Variants in SOX6 observed in about 807,000 individuals in gnomAD.
The protein encoded by SOX6 is transcription factor SOX-6.
SOX6 carries 11 observed loss-of-function variants against 97.8 expected under a neutral mutation model. The ratio of observed to expected loss-of-function variants is 0.11; its 90% CI spans 0.07 to 0.19. The LOEUF (loss-of-function observed/expected upper bound fraction) is 0.19. SOX6 is among the 10% of genes least tolerant of loss of function. The probability of loss-of-function intolerance (pLI) is 1.00; values close to 1 mark genes in which losing one functional copy is unlikely to be tolerated. For missense variants in SOX6, 810 were observed against 1,039.5 expected (o/e 0.78, Z 3.04); for synonymous variants, 360 against 371.4 (o/e 0.97, Z 0.35).
chr11:16,544,036 C>T (rs1000036475), intron 4 of SOX6, among the ~76,000 whole-genome samples: 3 of 151,616 alleles, frequency 2.0e-5, no homozygotes, highest in African/African-American at 7.3e-5. Context: ...ATAGTATTCG[C>T]CAATAAAAAT....
chr11:16,360,583 C>G (rs1014801374), upstream of SOX6, among the ~76,000 whole-genome samples: 2 of 152,192 alleles, frequency 1.3e-5, no homozygotes, highest in Non-Finnish European at 2.9e-5. Context: ...TTATACTACT[C>G]AGCCTCTAGA....
At chr11:16,676,412 G>A (rs989194450) in intron 3 of SOX6, among the ~76,000 whole-genome samples, 2 of 152,200 alleles carry the variant, frequency 1.3e-5, no homozygotes, top group Non-Finnish European at 2.9e-5. Context: ...AGCTTCCTCA[G>A]GAATAGTTTC....
At chr11:16,372,103 T>G (rs1204593044) in intron 1 of SOX6, among the ~76,000 whole-genome samples, 2 of 152,100 alleles carry the variant, frequency 1.3e-5, no homozygotes, top group Non-Finnish European at 2.9e-5. Context: ...ATTTTATGCT[T>G]CTTTTGTATC....
intron 4 of SOX6, among the ~76,000 whole-genome samples, chr11:16,524,800 A>G (rs1049704678): frequency 1.3e-5 from 2 of 152,256 alleles, no homozygotes; most frequent in African/African-American, 4.8e-5. Context: ...ATACAAAATC[A>G]ATGTGCAAAA....
Position 16,179,794 on chromosome 11 carries a change from C to G in SOX6, c.777+4092G>C, listed in dbSNP as rs193012577. ...TCCAGCCAGTCCATTCTTAAGAGAT[C>G]GTTGTTTAGTTAGTTATGTGAGGAG... On this transcript the variant is annotated intron_variant, in intron 6 of 15. Coordinates refer to ENST00000683767, the MANE Select transcript of SOX6 (RefSeq NM_001367873.1). Among the ~76,000 whole-genome samples, 264 of 151,980 alleles carry G rather than the reference C, an allele frequency of 1.7e-3. 1 individual carries two copies. Among genetic ancestry groups the G allele is most frequent in the African/African-American group, 6.1e-3 (253 of 41,518 alleles).
chr11:16,276,298 A>C (rs1443552048), intron 3 of SOX6, among the ~76,000 whole-genome samples: 3 of 152,194 alleles, frequency 2.0e-5, no homozygotes, highest in Non-Finnish European at 4.4e-5. Flanking sequence ...AAACCTAAAG[A>C]CCTTGGCTAT....
At chr11:15,987,823 C>T (rs866225175) in intron 14 of SOX6, among the ~76,000 whole-genome samples, 2 of 151,186 alleles carry the variant, frequency 1.3e-5, no homozygotes, top group East Asian at 3.9e-4. Flanking sequence ...AAAATAAAAA[C>T]CACACTTAAT....
chr11:16,553,878 A>G (rs1847718765), intron 4 of SOX6, among the ~76,000 whole-genome samples: 2 of 152,146 alleles, frequency 1.3e-5, no homozygotes, highest in African/African-American at 4.8e-5. Flanking sequence ...ACCTTATTAA[A>G]AAGATGAAAA....
At chr11:16,457,259 T>C (rs1859827131) in intron 1 of SOX6, among the ~76,000 whole-genome samples, 1 of 152,100 alleles carries the variant, frequency 6.6e-6, no homozygotes, top group Non-Finnish European at 1.5e-5. Flanking sequence ...GGTGTATAAA[T>C]GATGTAGGCC....
At chr11:16,445,433 A>G (rs1859592490) in intron 1 of SOX6, among the ~76,000 whole-genome samples, 1 of 152,160 alleles carries the variant, frequency 6.6e-6, no homozygotes. Context: ...TTCGTCCAAC[A>G]TGGTTGCAGC....
At chr11:16,662,380 C>T (rs1847771967) in intron 3 of SOX6, among the ~76,000 whole-genome samples, 1 of 152,140 alleles carries the variant, frequency 6.6e-6, no homozygotes, top group African/African-American at 2.4e-5. Flanking sequence ...TAATTCTTAA[C>T]CTTATTCCTC....
At chr11:15,976,394 C>G (rs1853487634) in intron 15 of SOX6, among the ~76,000 whole-genome samples, 1 of 152,168 alleles carries the variant, frequency 6.6e-6, no homozygotes, top group African/African-American at 2.4e-5. Flanking sequence ...TCACATTTGA[C>G]AGGACTGTGA....
At chr11:16,274,098 A>T (rs1479740234) in intron 3 of SOX6, among the ~76,000 whole-genome samples, 1 of 152,056 alleles carries the variant, frequency 6.6e-6, no homozygotes, top group East Asian at 1.9e-4. Context: ...AAAAATAAAT[A>T]TGTAGCTTTT....
chr11:16,630,033 T>A (rs933091557), intron 3 of SOX6, among the ~76,000 whole-genome samples: 21 of 152,140 alleles, frequency 1.4e-4, no homozygotes, highest in Non-Finnish European at 2.9e-5. Context: ...TCTTTTCAAA[T>A]AACCAGCTCT....
chr11:15,990,658 T>G (rs899200823), intron 13 of SOX6, among the ~76,000 whole-genome samples: 7 of 152,194 alleles, frequency 4.6e-5, no homozygotes, highest in Non-Finnish European at 7.4e-5. Flanking sequence ...CTTTGTGATG[T>G]GGCAACTCCT....
chr11:16,171,888 C>T (rs1851048428), intron 6 of SOX6, among the ~76,000 whole-genome samples: 1 of 151,772 alleles, frequency 6.6e-6, no homozygotes, highest in Admixed American at 6.6e-5. Flanking sequence ...AATCCTGCGA[C>T]CCAATAAATT....
chr11:16,127,159 A>C (rs929300515), intron 6 of SOX6, among the ~76,000 whole-genome samples: 1 of 152,146 alleles, frequency 6.6e-6, no homozygotes, highest in African/African-American at 2.4e-5. Context: ...CTTTAAAATT[A>C]AGAAGTTATA....
chr11:16,638,947 G>T (rs900977517), intron 3 of SOX6, among the ~76,000 whole-genome samples: 13 of 152,054 alleles, frequency 8.5e-5, no homozygotes, highest in South Asian at 4.2e-4. Context: ...GTCAATTTTG[G>T]CTTTTGTTGC....
intron 4 of SOX6, among the ~76,000 whole-genome samples, chr11:16,526,197 C>T (rs956963116): frequency 9.2e-5 from 14 of 152,058 alleles, no homozygotes; most frequent in African/African-American, 1.4e-4. Flanking sequence ...ATGTTTCTTG[C>T]GGCACTATTC....
Sources: allele counts gnomAD v4.1 joint callset (sites outside exome capture counted in the v4.1 genomes callset), GRCh38; gene constraint gnomAD v4.1.1; transcripts MANE v1.5; gene names NCBI Gene and HGNC (gene_info 2026-07-23, HGNC 2026-07-21).